Variants in PWP1 observed in about 807,000 individuals in gnomAD.
PWP1 encodes the protein PWP1 homolog, endonuclein.
PWP1 carries 47 observed loss-of-function variants against 69.9 expected under a neutral mutation model. The ratio of observed to expected loss-of-function variants is 0.67; its 90% CI spans 0.53 to 0.86. PWP1 has a LOEUF of 0.86. Ranked by LOEUF, PWP1 falls within the 40% of genes least tolerant of loss-of-function variation. PWP1 has a pLI of 0.00. For synonymous variants in PWP1, 222 were observed against 208.2 expected (o/e 1.07, Z -0.57); for missense variants, 551 against 608.8 (o/e 0.91, Z 1.00).
intron 7 of PWP1, among the ~76,000 whole-genome samples, chr12:107,698,766 A>G (rs1308789366): frequency 6.6e-6 from 1 of 151,884 alleles, no homozygotes; most frequent in African/African-American, 2.4e-5. Context: ...CTAAGTTTTG[A>G]CTTTTTTGTA....
rs537086552 is a variant in PWP1, at chr12:107,705,722, C to T, written c.1077+975C>T. 1.8e-4 allele frequency among the ~76,000 whole-genome samples: 28 copies of T among 152,176 alleles called. No homozygotes were observed. The East Asian group carries it at 5.2e-3, about 28-fold the overall frequency. ...ATGAACTCATTCTTTTTTATGGCTG[C>T]ATAGTATTCCATGGTGTATATGTGC... On this transcript the variant is annotated intron_variant, in intron 11 of 14. Transcript: ENST00000412830.
At chr12:107,704,512 A>T (rs893839533) in intron 10 of PWP1, 124 bp from the exon 11 acceptor site, 1 of 654,506 alleles carries the variant, frequency 1.5e-6, no homozygotes, top group Non-Finnish European at 2.6e-6. Flanking sequence ...CTTTATTTAG[A>T]ACCTTAAAAC....
At chr12:107,710,551 G>GAAAA in intron 14 of PWP1, 41 bp downstream of exon 14, 2 of 642,964 alleles carry the variant, frequency 3.1e-6, no homozygotes, top group South Asian at 5.9e-5. Context: ...CCCTGCCCCT[G>GAAAA]TAAAAAAAAA....
At chr12:107,704,184 C>A (rs1265813777) in intron 10 of PWP1, among the ~76,000 whole-genome samples, 1 of 152,162 alleles carries the variant, frequency 6.6e-6, no homozygotes, top group Non-Finnish European at 1.5e-5. Context: ...CATTTCTTAT[C>A]CTCTTGAAGC....
chr12:107,707,258 CTT>C (rs1889841875), intron 11 of PWP1, among the ~76,000 whole-genome samples: 1 of 152,160 alleles, frequency 6.6e-6, no homozygotes, highest in East Asian at 1.9e-4. Context: ...TATCCTGAGA[CTT>C]TGCTGAAGTT....
At chr12:107,702,243 C>T (rs1460537972) in intron 8 of PWP1, among the ~76,000 whole-genome samples, 1 of 150,998 alleles carries the variant, frequency 6.6e-6, no homozygotes, top group African/African-American at 2.4e-5. Context: ...CAGCTTGTCA[C>T]TTTTTTTTTA....
chr12:107,688,125 C>T (rs907026901), intron 1 of PWP1, among the ~76,000 whole-genome samples: 1 of 149,018 alleles, frequency 6.7e-6, no homozygotes, highest in Non-Finnish European at 1.5e-5. Context: ...GGGAGAGGTG[C>T]CCTAGACAGA....
intron 5 of PWP1, among the ~76,000 whole-genome samples, chr12:107,695,426 T>C (rs1394782008): frequency 6.6e-6 from 1 of 152,216 alleles, no homozygotes; most frequent in Non-Finnish European, 1.5e-5. Context: ...CCAGGATCTA[T>C]TCCAGAAGCA....
In PWP1 at chr12:107,697,604, A is replaced by G; in HGVS notation, c.744+7A>G. 6.3e-7 allele frequency: 1 copy of G among 1,598,652 alleles called. No homozygotes were observed. The highest frequency in any genetic ancestry group is 8.5e-7 in the Non-Finnish European group (1 of 1,173,584). On this transcript the variant is annotated splice_region_variant and intron_variant, in intron 7 of 14. Transcript: ENST00000412830. ...GAAAAAGAAAGGAAAGAAGGTAAAGAAGTTAATAAATATTTAAACTCTAAT... is the reference window on the plus strand; with the variant it reads ...GAAAAAGAAAGGAAAGAAGGTAAAGGAGTTAATAAATATTTAAACTCTAAT...
intron 5 of PWP1, among the ~76,000 whole-genome samples, chr12:107,696,029 C>CTTTTTTT (rs397700499): frequency 4.8e-5 from 5 of 103,750 alleles, no homozygotes; most frequent in East Asian, 3.2e-4. Context: ...ATATTGGAAT[C>CTTTTTTT]TTTTTTTTTT....
At chr12:107,688,877 T>A (rs1566076234) in intron 3 of PWP1, 75 bp downstream of exon 3, 3 of 1,409,228 alleles carry the variant, frequency 2.1e-6, no homozygotes, top group East Asian at 4.9e-5. Flanking sequence ...GTTCCAAAGC[T>A]TTACTCTTAG....
At chr12:107,707,857 T>C (rs1889855379) in intron 11 of PWP1, among the ~76,000 whole-genome samples, 2 of 152,198 alleles carry the variant, frequency 1.3e-5, no homozygotes, top group Non-Finnish European at 2.9e-5. Context: ...TGGTCTAAAA[T>C]TCTGTTTTTT....
chr12:107,710,413 C>A lies in PWP1; in HGVS notation c.1299C>A (p.Leu433=), dbSNP rs142231100. ...VHSRDMKMGV[L]FCSSCCPDLP... is the part of the protein sequence containing the mutation. ...TCCTGTTCTCTCTCTAGGGAGTTCT[C>A]TTCTGTTCTTCATGTTGCCCTGATT... The change falls in exon 14 of 15, where the codon CTC becomes CTA. Residue 433 remains leucine, a synonymous_variant. Coordinates refer to ENST00000412830, the MANE Select transcript of PWP1 (RefSeq NM_007062.3). 4.3e-5 allele frequency: 69 copies of A among 1,613,500 alleles called. No homozygotes were observed. The highest frequency in any genetic ancestry group is 5.7e-5 in the Non-Finnish European group (67 of 1,179,666).
intron 13 of PWP1, 56 bp downstream of exon 13, chr12:107,709,288 T>C (rs1889895671): frequency 6.4e-7 from 1 of 1,570,016 alleles, no homozygotes; most frequent in African/African-American, 1.4e-5. Context: ...ACCTTGTCTT[T>C]TTCTGGAACT....
Position 107,699,390 on chromosome 12 carries a change from G to A in PWP1, c.762G>A (p.Gly254=), listed in dbSNP as rs200118306. The A allele has an allele frequency of 1.9e-6, 3 of 1,612,804 alleles. No individual in the cohort carries two copies. The highest frequency in any genetic ancestry group is 2.5e-6 in the Non-Finnish European group (3 of 1,178,958). The change falls in exon 8 of 15, where the codon GGG becomes GGA. Residue 254 remains glycine, a synonymous_variant. Coordinates refer to ENST00000412830, the MANE Select transcript of PWP1 (RefSeq NM_007062.3). ...KKGKKSSSAE[G]HTDAVLDLSW... The stretch of plus-strand genomic sequence containing the variant: ...TATTACAGAGTTCCTCAGCAGAAGG[G>A]CATACCGATGCTGTCCTTGACCTTT...
At chr12:107,687,394 A>G (rs921089840) in intron 1 of PWP1, among the ~76,000 whole-genome samples, 6 of 152,214 alleles carry the variant, frequency 3.9e-5, no homozygotes, top group Admixed American at 3.9e-4. Context: ...CACATTGAAA[A>G]TCTCACACTT....
At chr12:107,701,034 C>G (rs1445093341) in intron 8 of PWP1, among the ~76,000 whole-genome samples, 1 of 152,176 alleles carries the variant, frequency 6.6e-6, no homozygotes, top group Non-Finnish European at 1.5e-5. Flanking sequence ...CTGGCTTAAT[C>G]TGCATTTCTT....
intron 3 of PWP1, among the ~76,000 whole-genome samples, chr12:107,690,124 G>A (rs984435639): frequency 6.6e-6 from 1 of 152,198 alleles, no homozygotes; most frequent in Non-Finnish European, 1.5e-5. Context: ...AAATCAAAAT[G>A]TAGATGATCG....
rs1889924965 is a variant in PWP1, at chr12:107,710,400, T to G, written c.1291-5T>G. 4 of 1,612,892 alleles carry G rather than the reference T, an allele frequency of 2.5e-6. No individual in the cohort carries two copies. The highest frequency in any genetic ancestry group is 3.4e-6 in the Non-Finnish European group (4 of 1,179,372). The stretch of plus-strand genomic sequence containing the variant: ...GAAATCACCATCTTCCTGTTCTCTC[T>G]CTAGGGAGTTCTCTTCTGTTCTTCA... On this transcript the variant is annotated splice_polypyrimidine_tract_variant and splice_region_variant and intron_variant, in intron 13 of 14. Transcript: ENST00000412830.
Sources: allele counts gnomAD v4.1 joint callset (sites outside exome capture counted in the v4.1 genomes callset), GRCh38; gene constraint gnomAD v4.1.1; transcripts MANE v1.5; gene names NCBI Gene and HGNC (gene_info 2026-07-23, HGNC 2026-07-21).